ZNF611: variants seen among roughly 807,000 people sequenced by gnomAD.
ZNF611 encodes the protein zinc finger protein 611.
Under a neutral mutation model 8.9 loss-of-function variants are expected in ZNF611, and 6 were observed. That is an observed-to-expected ratio of 0.68 (90% confidence interval 0.37 to 1.34). The LOEUF is 1.34. Ranked by LOEUF, ZNF611 falls within the 40% of genes most tolerant of loss-of-function variation. The pLI, the probability that ZNF611 is intolerant of heterozygous loss-of-function variation, is 0.02. For synonymous variants in ZNF611, 262 were observed against 279.7 expected, an observed-to-expected ratio of 0.94 and a Z score of 0.63; for missense variants, 874 against 841.3, an observed-to-expected ratio of 1.04 and a Z score of -0.48.
Position 52,714,716 on chromosome 19 carries a change from A to AAACG in ZNF611, c.64-576_64-575insCGTT, listed in dbSNP as rs1555795581. ...AAACAAAACAAAACAAAACAAAAAA[A>AAACG]CAATGCCGGGCAGTGACTGTCACCT... is the stretch of plus-strand genomic sequence containing the variant. On this transcript the variant is annotated intron_variant, in intron 4 of 5. Coordinates refer to ENST00000652185, the MANE Select transcript of ZNF611 (RefSeq NM_001161499.2). 9.9e-5 allele frequency among the ~76,000 whole-genome samples: 4 copies of AAACG among 40,356 alleles called. 2 individuals carry two copies. Among genetic ancestry groups the AAACG allele is most frequent in the African/African-American group, 7.3e-4 (4 of 5,488 alleles). 26.5% of individuals were successfully genotyped at this position (40,356 alleles called of 152,430 possible).
In ZNF611 at chr19:52,705,838, G is replaced by A. The variant is rs1568599457; in HGVS notation, c.1217C>T (p.Ala406Val). Residue 406 changes from alanine (A) to valine (V), a missense_variant, in exon 6 of 6, where the codon GCT (alanine) becomes GTT (valine). Physicochemically the swap from Ala to Val is moderately conservative, Grantham distance 64. Transcript: ENST00000652185. ...AGCCAGCTGTGAATGCCACGTGAAA[G>A]CTGTGTCACAAACCTTACATCTGTA... ...KPYRCKVCDT[A>V]FTWHSQLARH... The A allele has an allele frequency of 6.2e-7, 1 of 1,613,946 alleles. No homozygotes were observed. Among genetic ancestry groups the A allele is most frequent in the South Asian group, 1.1e-5 (1 of 91,050 alleles).
rs767014251 is a variant in ZNF611, at chr19:52,705,180, A to T, written c.1875T>A (p.Asn625Lys). Residue 625 changes from asparagine (N) to lysine (K), a missense_variant, in exon 6 of 6, where the codon AAT becomes AAA. Transcript: ENST00000652185. ...LHSGEKPYKCNECGNTFRHCS... is the reference protein window; with the variant it reads ...LHSGEKPYKCKECGNTFRHCS... ...AGTGACGGAAGGTATTGCCACACTC[A>T]TTACACTTGTAAGGTTTCTCACCAC... is the stretch of plus-strand genomic sequence containing the variant. 1 of 1,614,064 alleles carries T rather than the reference A, an allele frequency of 6.2e-7. No homozygotes were observed. The highest frequency in any genetic ancestry group is 8.5e-7 in the Non-Finnish European group (1 of 1,180,054).
Position 52,704,215 on chromosome 19 carries a change from A to AAC in ZNF611, c.*721_*722insGT. On this transcript the variant is annotated 3_prime_UTR_variant, in exon 6 of 6. Transcript: ENST00000652185. ...TCAACACAAACTCAAGTCAATGCTG[A>AAC]ATTGACTCCAATGTCAATTAATGCT... is the stretch of plus-strand genomic sequence containing the variant. 1 of 413,200 alleles carries AAC rather than the reference A, an allele frequency of 2.4e-6. No homozygotes were observed. Among genetic ancestry groups the AAC allele is most frequent in the Non-Finnish European group, 4.9e-6 (1 of 204,460 alleles). The allele number at this position is 413,200 out of a possible 1,614,324, so 25.6% of individuals were successfully genotyped here. A position where few individuals can be genotyped will look rare whatever the true frequency, so the allele number is the denominator to read the frequency against.
chr19:52,730,710 G>T (rs927025874), intron 1 of ZNF611, among the ~76,000 whole-genome samples: 8 of 151,052 alleles, frequency 5.3e-5, no homozygotes, highest in Non-Finnish European at 1.2e-4. Flanking sequence ...TCAGCCTCCT[G>T]AGTAGCTGGG....
intron 5 of ZNF611, among the ~76,000 whole-genome samples, chr19:52,709,126 A>G (rs2062263776): frequency 6.6e-6 from 1 of 152,182 alleles, no homozygotes; most frequent in Non-Finnish European, 1.5e-5. Context: ...AAAAGCCACT[A>G]TCAGATTTCT....
intron 4 of ZNF611, 78 bp from the exon 5 acceptor site, chr19:52,714,219 A>T: frequency 1.9e-6 from 3 of 1,575,994 alleles, no homozygotes; most frequent in Non-Finnish European, 2.6e-6. Context: ...GAAATGAGAA[A>T]ATAAGTATTT....
intron 4 of ZNF611, among the ~76,000 whole-genome samples, chr19:52,714,992 A>G (rs1243800843): frequency 6.6e-6 from 1 of 152,070 alleles, no homozygotes; most frequent in Non-Finnish European, 1.5e-5. Context: ...GCAAGACTCC[A>G]TCTCACACAC....
At chr19:52,713,972 G>C (rs1449512346) in intron 5 of ZNF611, 43 bp downstream of exon 5, 4 of 1,610,804 alleles carry the variant, frequency 2.5e-6, no homozygotes, top group African/African-American at 1.3e-5. Flanking sequence ...AGCCAAGATA[G>C]ACAAGAGCAG....
rs1230815766 is a variant in ZNF611 at position 52,706,623 on chromosome 19, G to C, written c.432C>G (p.His144Gln). The C allele has an allele frequency of 3.1e-6, 5 of 1,614,002 alleles. No homozygotes were observed. The highest frequency in any genetic ancestry group is 4.2e-6 in the Non-Finnish European group (5 of 1,179,982). The change falls in exon 6 of 6, where the codon CAC (histidine) becomes CAG (glutamine). Residue 144 changes from histidine to glutamine, a missense_variant. Coordinates refer to ENST00000652185, the MANE Select transcript of ZNF611 (RefSeq NM_001161499.2). ...KLTGSTDQHD[H>Q]RHAGNKPIKD... ...TAATAGGCTTGTTTCCAGCATGCCT[G>C]TGATCATGTTGGTCTGTGCTACCAG... is the stretch of plus-strand genomic sequence containing the variant.
chr19:52,735,021 T>G lies in ZNF611; in HGVS notation c.-242A>C, dbSNP rs1356190464. 6.5e-6 allele frequency: 1 copy of G among 153,306 alleles called. No individual in the cohort carries two copies. The highest frequency in any genetic ancestry group is 1.7e-3 in the Middle Eastern group (1 of 606). 9.5% of individuals were successfully genotyped at this position (153,306 alleles called of 1,614,324 possible). On this transcript the variant is annotated 5_prime_UTR_variant, in exon 1 of 6. Transcript: ENST00000652185. ...CTCACCGCGGCGATATGACCTACAC[T>G]CCACCCGATCCGCTTCCGGGTTTGC...
At chr19:52,733,533 C>A (rs1327903060) in intron 1 of ZNF611, among the ~76,000 whole-genome samples, 1 of 125,880 alleles carries the variant, frequency 7.9e-6, no homozygotes, top group Non-Finnish European at 1.7e-5. Context: ...AACTCCTGGA[C>A]TCAAGCAATC....
Position 52,705,372 on chromosome 19 carries a change from A to G in ZNF611, c.1683T>C (p.Ser561=), listed in dbSNP as rs760910103. 3 of 1,614,126 alleles carry G rather than the reference A, an allele frequency of 1.9e-6. No individual in the cohort carries two copies. Among genetic ancestry groups the G allele is most frequent in the Admixed American group, 1.7e-5 (1 of 60,020 alleles). Residue 561 remains serine, a synonymous_variant, in exon 6 of 6, where the codon AGT becomes AGC. Coordinates refer to ENST00000652185, the MANE Select transcript of ZNF611 (RefSeq NM_001161499.2). The stretch of plus-strand genomic sequence containing the variant: ...CATTACACTTGTAAGGTTTCTCTCC[A>G]CTATGAATTCTAGTATGTTTTGCCA... ...SYLAKHTRIH[S]GEKPYKCNEC...
Position 52,705,063 on chromosome 19 carries a change from G to A in ZNF611, c.1992C>T (p.Leu664=). The A allele has an allele frequency of 6.2e-7, 1 of 1,614,052 alleles. No individual in the cohort carries two copies. The highest frequency in any genetic ancestry group is 1.3e-5 in the African/African-American group (1 of 75,016). ...ICDKAFVRNS[L]LSRHTRIHTA... is the part of the protein sequence containing the mutation. ...TGTGAATTCTGGTATGTCTTGACAG[G>A]AGTGAATTACGCACGAAAGCCTTGT... Residue 664 remains leucine (L), a synonymous_variant, in exon 6 of 6, where the codon CTC becomes CTT. Coordinates refer to ENST00000652185, the MANE Select transcript of ZNF611 (RefSeq NM_001161499.2).
chr19:52,714,059 T>G lies in ZNF611; in HGVS notation c.146A>C (p.Tyr49Ser). 6.2e-7 allele frequency: 1 copy of G among 1,614,078 alleles called. No individual in the cohort carries two copies. The highest frequency in any genetic ancestry group is 1.1e-5 in the South Asian group (1 of 91,074). The change falls in exon 5 of 6, where the codon TAC becomes TCC. Residue 49 changes from tyrosine (Y) to serine (S), a missense_variant. By Grantham distance (144) the Tyr-to-Ser change is moderately radical. Coordinates refer to ENST00000652185, the MANE Select transcript of ZNF611 (RefSeq NM_001161499.2). ...GTAGTTCTCCAACATCACTTCCCTG[T>G]ACAAAGCCCTCTGTGAAGGGTTCAG... ...KCLNPSQRAL[Y>S]REVMLENYRN... is the part of the protein sequence containing the mutation.
intron 5 of ZNF611, 132 bp from the exon 6 acceptor site, chr19:52,706,996 C>G (rs186381228): frequency 2.5e-5 from 35 of 1,392,516 alleles, no homozygotes; most frequent in Admixed American, 4.9e-5. Flanking sequence ...TTTAGGAAAA[C>G]GAAAGGAGCA....
chr19:52,712,474 A>C (rs1218499404), intron 5 of ZNF611, among the ~76,000 whole-genome samples: 2 of 149,298 alleles, frequency 1.3e-5, no homozygotes, highest in African/African-American at 4.9e-5. Flanking sequence ...AAAAAAAAAA[A>C]AAAAAAAAAA....
intron 4 of ZNF611, 93 bp downstream of exon 4, chr19:52,715,739 G>C: frequency 2.5e-6 from 4 of 1,574,306 alleles, no homozygotes; most frequent in Non-Finnish European, 3.4e-6. Flanking sequence ...TGTCAGACAA[G>C]ATGCTTCAGA....
chr19:52,720,755 A>G (rs1201175116), intron 3 of ZNF611, among the ~76,000 whole-genome samples: 2 of 149,118 alleles, frequency 1.3e-5, no homozygotes, highest in Non-Finnish European at 3.0e-5. Context: ...GTGGCCAGGC[A>G]GAGGTGCTCC....
At chr19:52,727,787 C>T (rs2062401736) in intron 3 of ZNF611, among the ~76,000 whole-genome samples, 2 of 152,134 alleles carry the variant, frequency 1.3e-5, no homozygotes, top group Admixed American at 1.3e-4. Context: ...GCTTGCATGA[C>T]CACATTCCTC....
Sources: allele counts gnomAD v4.1 joint callset (sites outside exome capture counted in the v4.1 genomes callset), GRCh38; gene constraint gnomAD v4.1.1; transcripts MANE v1.5; gene names NCBI Gene and HGNC (gene_info 2026-07-23, HGNC 2026-07-21).